Variants in TYW1B observed in about 807,000 individuals in gnomAD.
TYW1B encodes the protein S-adenosyl-L-methionine-dependent tRNA 4-demethylwyosine synthase TYW1B.
Under a neutral mutation model 86.9 loss-of-function variants are expected in TYW1B, and 73 were observed. The observed-to-expected ratio is 0.84, with a 90% CI of 0.70 to 1.02. The LOEUF (loss-of-function observed/expected upper bound fraction) is 1.02. Ranked by LOEUF, TYW1B falls within the 50% of genes least tolerant of loss-of-function variation. The probability of loss-of-function intolerance (pLI) is 0.00; values close to 1 mark genes in which losing one functional copy is unlikely to be tolerated. For synonymous variants in TYW1B, 248 were observed against 292.8 expected (o/e 0.85, Z 1.56); for missense variants, 637 against 827.4 (o/e 0.77, Z 2.82).
chr7:72,747,289 T>C (rs1363453635), intron 7 of TYW1B, among the ~76,000 whole-genome samples: 5 of 152,174 alleles, frequency 3.3e-5, no homozygotes, highest in Non-Finnish European at 5.9e-5. Context: ...CCACTTTTGC[T>C]TCTTCATTTT....
intron 1 of TYW1B, among the ~76,000 whole-genome samples, chr7:72,827,854 G>A (rs1194213127): frequency 6.6e-6 from 1 of 152,164 alleles, no homozygotes; most frequent in South Asian, 2.1e-4. Flanking sequence ...AAAGTGGGAG[G>A]GGTAGTTTTC....
At position 72,828,108 on chromosome 7, in the gene TYW1B, G is replaced by A. The variant is rs557834369; in HGVS notation, c.-33C>T. 2 of 1,613,510 alleles carry A rather than the reference G, an allele frequency of 1.2e-6. No individual in the cohort carries two copies. Among genetic ancestry groups the A allele is most frequent in the South Asian group, 1.1e-5 (1 of 90,900 alleles). On this transcript the variant is annotated 5_prime_UTR_variant, in exon 1 of 14. Transcript: ENST00000620995. ...AGAGCCGACAGGAGACTAGGATCTC[G>A]GACCTGGAGAGCCCAAAGGTTCGCA...
At chr7:72,796,304 C>T (rs1436749771) in intron 6 of TYW1B, among the ~76,000 whole-genome samples, 2 of 74,104 alleles carry the variant, frequency 2.7e-5, no homozygotes, top group South Asian at 1.1e-3. Context: ...AGTGCAATGG[C>T]GCAATCTCAG....
rs575181175 is a variant in TYW1B, at chr7:72,704,670, T to C, written c.1370+8951A>G. On this transcript the variant is annotated intron_variant, in intron 10 of 13. Transcript: ENST00000620995. ...TTTGACCAACATTACTTAGCCTGCC[T>C]TGCCAAAGGTGAAACTTCCGTGTTT... 2.0e-3 allele frequency among the ~76,000 whole-genome samples: 312 copies of C among 152,204 alleles called. 1 individual carries two copies. Among genetic ancestry groups the C allele is most frequent in the African/African-American group, 7.3e-3 (304 of 41,536 alleles).
At chr7:72,742,703 A>G (rs1236986799) in intron 8 of TYW1B, among the ~76,000 whole-genome samples, 1 of 152,162 alleles carries the variant, frequency 6.6e-6, no homozygotes, top group Non-Finnish European at 1.5e-5. Context: ...TCTACTTGCT[A>G]AAATTTATTT....
intron 7 of TYW1B, among the ~76,000 whole-genome samples, chr7:72,751,780 C>T (rs1554465110): frequency 1.3e-5 from 2 of 152,212 alleles, no homozygotes; most frequent in African/African-American, 4.8e-5. Flanking sequence ...TATTTCAGTA[C>T]ATTATTTCAA....
At chr7:72,673,032 C>T (rs34359017) in intron 11 of TYW1B, among the ~76,000 whole-genome samples, 13 of 152,056 alleles carry the variant, frequency 8.5e-5, no homozygotes, top group East Asian at 3.9e-4. Flanking sequence ...AGCCGGGTGT[C>T]GCGGCGTGCA....
intron 13 of TYW1B, among the ~76,000 whole-genome samples, chr7:72,593,425 T>C (rs1223932339): frequency 1.3e-4 from 20 of 152,256 alleles, no homozygotes; most frequent in Middle Eastern, 3.4e-3. Flanking sequence ...ACATGGGACA[T>C]TTTCCAGGAA....
At chr7:72,783,386 A>AC (rs1788080322) in intron 6 of TYW1B, among the ~76,000 whole-genome samples, 1 of 146,458 alleles carries the variant, frequency 6.8e-6, no homozygotes, top group Admixed American at 6.7e-5. Context: ...TTCATCTCAA[A>AC]AAAAAAAAAA....
chr7:72,800,522 C>G (rs1563098390), intron 6 of TYW1B, among the ~76,000 whole-genome samples: 2 of 152,006 alleles, frequency 1.3e-5, no homozygotes, highest in Admixed American at 6.6e-5. Context: ...TTTTTAGAGT[C>G]CCTTTTAAAC....
intron 10 of TYW1B, among the ~76,000 whole-genome samples, chr7:72,699,094 T>G (rs1279031905): frequency 2.0e-5 from 3 of 151,856 alleles, no homozygotes; most frequent in Admixed American, 2.0e-4. Context: ...GAAAATGTAA[T>G]GGGTATAAAT....
chr7:72,717,880 G>A (rs782110829), intron 9 of TYW1B, among the ~76,000 whole-genome samples: 29 of 152,112 alleles, frequency 1.9e-4, no homozygotes, highest in Non-Finnish European at 1.0e-4. Flanking sequence ...TATTGGTGGG[G>A]ATGTAAATTA....
chr7:72,728,990 T>C, intron 8 of TYW1B, 59 bp from the exon 9 acceptor site: 2 of 1,497,252 alleles, frequency 1.3e-6, no homozygotes, highest in Non-Finnish European at 1.8e-6. Flanking sequence ...GGGCTAGTCA[T>C]TTATGATGAA....
intron 13 of TYW1B, among the ~76,000 whole-genome samples, chr7:72,580,666 A>G (rs35745089): frequency 2.6e-5 from 4 of 152,312 alleles, no homozygotes; most frequent in Non-Finnish European, 5.9e-5. Flanking sequence ...GGAGAATTTC[A>G]CTAAACAATA....
intron 11 of TYW1B, among the ~76,000 whole-genome samples, chr7:72,693,406 CAT>C (rs782197772): frequency 1.6e-5 from 2 of 124,220 alleles, no homozygotes; most frequent in African/African-American, 2.9e-5. Flanking sequence ...TATTTGCAGA[CAT>C]CTTTTTTTTT....
chr7:72,606,354 A>G (rs189836874), intron 13 of TYW1B, among the ~76,000 whole-genome samples: 1 of 152,274 alleles, frequency 6.6e-6, no homozygotes, highest in African/African-American at 2.4e-5. Flanking sequence ...TGGGGAACCT[A>G]GACTCCCACC....
chr7:72,618,403 G>C (rs1377572389), intron 12 of TYW1B, among the ~76,000 whole-genome samples: 26 of 152,144 alleles, frequency 1.7e-4, no homozygotes, highest in Middle Eastern at 3.4e-3. Context: ...TTTTAGTAGA[G>C]ATGGAGTTTC....
rs1409348875 is a variant in TYW1B at position 72,790,594 on chromosome 7, G to T, written c.846+11806C>A. Among the ~76,000 whole-genome samples the T allele has an allele frequency of 2.6e-5, 4 of 152,262 alleles. No individual in the cohort carries two copies. The East Asian group carries it at 5.8e-4, about 22-fold the overall frequency. Reference sequence around the variant, plus strand: ...TCCCTCTGTAGTCTCTTTGCTTCTGGCTGGTAAATGATGTCAACCTGCTGC... The same window carrying T: ...TCCCTCTGTAGTCTCTTTGCTTCTGTCTGGTAAATGATGTCAACCTGCTGC... On this transcript the variant is annotated intron_variant, in intron 6 of 13. Transcript: ENST00000620995.
At chr7:72,700,843 G>T (rs1814448730) in intron 10 of TYW1B, among the ~76,000 whole-genome samples, 1 of 152,124 alleles carries the variant, frequency 6.6e-6, no homozygotes, top group Non-Finnish European at 1.5e-5. Context: ...GAGGGGGGCA[G>T]ATCACTTGAG....
Sources: gnomAD v4.1 joint callset for allele counts (sites outside exome capture counted in the v4.1 genomes callset) on GRCh38, gnomAD v4.1.1 for gene constraint, MANE v1.5 for transcripts, NCBI Gene and HGNC (gene_info 2026-07-23, HGNC 2026-07-21) for gene names.